SLC38A12: variants seen among roughly 807,000 people sequenced by gnomAD.
SLC38A12 encodes the protein putative sodium-coupled neutral amino acid transporter 12.
At chr17:74,782,843 T>C in the SLC38A12 span, among the ~76,000 whole-genome samples, 1 of 152,234 alleles carries the variant, frequency 6.6e-6, no homozygotes, top group African/African-American at 2.4e-5. Context: ...CAAATTGAGA[T>C]TGAGGGCTGG....
the SLC38A12 span, among the ~76,000 whole-genome samples, chr17:74,794,802 C>T: frequency 2.0e-5 from 3 of 152,216 alleles, no homozygotes; most frequent in South Asian, 2.1e-4. Context: ...AGTCATGAGC[C>T]GATCTGTCTC....
chr17:74,779,135 A>G, the SLC38A12 span, among the ~76,000 whole-genome samples: 7 of 152,220 alleles, frequency 4.6e-5, no homozygotes, highest in African/African-American at 1.4e-4. Context: ...ACATCTGTAA[A>G]TTTAGAGATA....
the SLC38A12 span, among the ~76,000 whole-genome samples, chr17:74,809,826 G>C: frequency 2.6e-5 from 4 of 152,312 alleles, no homozygotes; most frequent in African/African-American, 9.6e-5. Flanking sequence ...CAGCATCAGA[G>C]TCGAATAACA....
the SLC38A12 span, among the ~76,000 whole-genome samples, chr17:74,831,096 G>A: frequency 2.6e-5 from 4 of 152,168 alleles, no homozygotes; most frequent in African/African-American, 4.8e-5. Context: ...GGTCCTCCAC[G>A]TCCCGTCTGA....
At chr17:74,777,314 C>A in the SLC38A12 span, 1 of 1,614,228 alleles carries the variant, frequency 6.2e-7, no homozygotes, top group Non-Finnish European at 8.5e-7. Context: ...GCTGCCAGCC[C>A]TTCCTCACTT....
chr17:74,795,564 A>T, the SLC38A12 span: 1 of 1,614,060 alleles, frequency 6.2e-7, no homozygotes, highest in Non-Finnish European at 8.5e-7. Flanking sequence ...GGAAGCAGAC[A>T]CCAAATACAA....
the SLC38A12 span, among the ~76,000 whole-genome samples, chr17:74,803,355 T>C: frequency 9.5e-4 from 145 of 152,052 alleles, 1 homozygote; most frequent in African/African-American, 3.3e-3. Flanking sequence ...CTGAAAGCAG[T>C]AACCAGCGAT....
At chr17:74,803,592 G>A in the SLC38A12 span, among the ~76,000 whole-genome samples, 20 of 152,284 alleles carry the variant, frequency 1.3e-4, no homozygotes, top group South Asian at 1.7e-3. Flanking sequence ...CCCCGAGCCC[G>A]AGGCCTAAGC....
chr17:74,799,719 C>T, the SLC38A12 span, among the ~76,000 whole-genome samples: 1 of 152,208 alleles, frequency 6.6e-6, no homozygotes, highest in Admixed American at 6.5e-5. Flanking sequence ...TTTTCTCGCT[C>T]TGCCAGGATT....
At chr17:74,827,585 C>T in the SLC38A12 span, among the ~76,000 whole-genome samples, 1 of 152,148 alleles carries the variant, frequency 6.6e-6, no homozygotes, top group Non-Finnish European at 1.5e-5. This position sits in a 1 kb window ranked among gnomAD's most constrained non-coding sequence, Gnocchi z 4.7. Flanking sequence ...CATGAACCAC[C>T]GTGCCCGGCC....
chr17:74,791,691 AGT>A, the SLC38A12 span, among the ~76,000 whole-genome samples: 1 of 152,236 alleles, frequency 6.6e-6, no homozygotes, highest in Non-Finnish European at 1.5e-5. Flanking sequence ...AGGCTTGCTG[AGT>A]GAGACCGGAG....
the SLC38A12 span, among the ~76,000 whole-genome samples, chr17:74,799,272 G>A: frequency 6.6e-6 from 1 of 152,214 alleles, no homozygotes. Context: ...CTGCTGGGTC[G>A]CAGGTGGCCC....
At chr17:74,839,543 G>A in the SLC38A12 span, 16 of 171,494 alleles carry the variant, frequency 9.3e-5, no homozygotes, top group African/African-American at 2.1e-4. Context: ...GGTAACCTCC[G>A]CTGAGGGTCA....
chr17:74,781,266 T>C, the SLC38A12 span, among the ~76,000 whole-genome samples: 1 of 152,294 alleles, frequency 6.6e-6, no homozygotes, highest in South Asian at 2.1e-4. Flanking sequence ...ACTGTTTAGT[T>C]TCCCCATAAA....
chr17:74,830,685 T>G, the SLC38A12 span, among the ~76,000 whole-genome samples: 1 of 152,234 alleles, frequency 6.6e-6, no homozygotes, highest in Non-Finnish European at 1.5e-5. Flanking sequence ...TAAATTTTAC[T>G]TCTAGCCTCC....
chr17:74,836,830 G>T, the SLC38A12 span: 3 of 1,407,178 alleles, frequency 2.1e-6, no homozygotes, highest in Non-Finnish European at 2.8e-6. The surrounding 1 kb of genome is among the most constrained non-coding windows in gnomAD (Gnocchi z 4.2). Flanking sequence ...GTCCAGCTGG[G>T]GTTGTTCTCC....
the SLC38A12 span, among the ~76,000 whole-genome samples, chr17:74,779,334 A>T: frequency 1.3e-5 from 2 of 151,958 alleles, no homozygotes; most frequent in Non-Finnish European, 2.9e-5. Context: ...TCTGTGTTTT[A>T]TTTCGTTCAG....
At chr17:74,790,848 G>A in the SLC38A12 span, 2 of 912,304 alleles carry the variant, frequency 2.2e-6, no homozygotes, top group African/African-American at 3.3e-5. Context: ...CTCGAGTTTG[G>A]ACACTTGGGG....
chr17:74,803,437 A>AG, the SLC38A12 span, among the ~76,000 whole-genome samples: 11 of 151,920 alleles, frequency 7.2e-5, no homozygotes, highest in Non-Finnish European at 1.5e-4. Flanking sequence ...TATATACCCG[A>AG]GCCCCACACC....
Sources: allele counts gnomAD v4.1 joint callset (sites outside exome capture counted in the v4.1 genomes callset), GRCh38; gene constraint gnomAD v4.1.1; non-coding constraint Gnocchi (gnomAD v3.1); transcripts MANE v1.5; gene names NCBI Gene and HGNC (gene_info 2026-07-23, HGNC 2026-07-21).